The following TMEM39B variants were observed in gnomAD, a reference collection of about 807,000 sequenced individuals.
TMEM39B encodes transmembrane protein 39B.
Under a neutral mutation model 52.2 loss-of-function variants are expected in TMEM39B, and 23 were observed. The observed-to-expected ratio is 0.44, with a 90% CI of 0.32 to 0.62. TMEM39B has a LOEUF of 0.62. Among genes scored for constraint, TMEM39B ranks in the 20% least tolerant of loss-of-function variants. TMEM39B has a pLI of 0.06. For synonymous variants in TMEM39B, 285 were observed against 264.0 expected (o/e 1.08, Z -0.77); for missense variants, 547 against 642.0 (o/e 0.85, Z 1.60).
chr1:32,094,688 A>T, intron 6 of TMEM39B, 96 bp from the exon 7 acceptor site: 1 of 1,373,160 alleles, frequency 7.3e-7, no homozygotes, highest in South Asian at 1.3e-5. Flanking sequence ...TCTCCCCAGG[A>T]CTGTCCTAAC....
chr1:32,092,438 G>T (rs756383535), intron 6 of TMEM39B, among the ~76,000 whole-genome samples: 2 of 151,900 alleles, frequency 1.3e-5, no homozygotes, highest in African/African-American at 2.4e-5. Context: ...GATTACAAGC[G>T]TGAGCCACTA....
rs866344985 is a variant in TMEM39B at position 32,073,986 on chromosome 1, C to G, written c.4+935C>G. On this transcript the variant is annotated intron_variant, in intron 1 of 8. Transcript: ENST00000336294. ...CTGGTCTCCAACTCCTGGTCTCAAG[C>G]GATCCTCCCGCCTCGGCCTCACAAA... is the stretch of plus-strand genomic sequence containing the variant. The G allele has an allele frequency of 2.5e-5, 18 of 726,510 alleles. No homozygotes were observed. In the South Asian group the frequency reaches 9.2e-4, roughly 37 times the overall value. 45.0% of individuals were successfully genotyped at this position (726,510 alleles called of 1,614,324 possible).
chr1:32,098,560 G>T (rs993366920), intron 7 of TMEM39B, among the ~76,000 whole-genome samples: 2 of 151,902 alleles, frequency 1.3e-5, no homozygotes, highest in African/African-American at 4.8e-5. Context: ...GTGAAACCCC[G>T]TCTCTTCTAA....
rs138050718 is a variant in TMEM39B, at chr1:32,085,291, A to ATC, written c.591-6366_591-6365dup. On this transcript the variant is annotated intron_variant, in intron 5 of 8. Transcript: ENST00000336294. ...TTCTCCTATATTTCTCTAATATTTA[A>ATC]TCTCTCTCTCTCTCTCTCTTTGTAT... Among the ~76,000 whole-genome samples the ATC allele has an allele frequency of 1.0e-3, 157 of 150,044 alleles. 1 individual carries two copies. In the South Asian group the frequency reaches 0.017, roughly 16 times the overall value.
Position 32,075,552 on chromosome 1 carries a change from C to CGGA in TMEM39B, c.132-51_132-50insGGA. 2.6e-6 allele frequency: 4 copies of CGGA among 1,518,014 alleles called. No homozygotes were observed. In the South Asian group the frequency reaches 4.8e-5, roughly 18 times the overall value. The allele number at this position is 1,518,014 out of a possible 1,614,324, so 94.0% of individuals were successfully genotyped here. ...CAATCCTTTGCCTCAGAAGCCCTTC[C>CGGA]TGGTAGGATTCTCAGGTCAGCTGCT... On this transcript the variant is annotated intron_variant, in intron 2 of 8. Transcript: ENST00000336294.
At position 32,093,604 on chromosome 1, in the gene TMEM39B, G is replaced by T. The variant is rs138295073; in HGVS notation, c.928-1180G>T. Among the ~76,000 whole-genome samples, 1,236 of 150,466 alleles carry T rather than the reference G, an allele frequency of 8.2e-3. 10 individuals carry two copies. Among genetic ancestry groups the T allele is most frequent in the African/African-American group, 0.026 (1,078 of 40,924 alleles). On this transcript the variant is annotated intron_variant, in intron 6 of 8. Transcript: ENST00000336294. The stretch of plus-strand genomic sequence containing the variant: ...TTTTTGTATTTTTAGTAGAGACGGG[G>T]TTTCGCTATATTGGCCAGGCCAGTC...
chr1:32,075,605 G>A lies in TMEM39B; in HGVS notation c.134G>A (p.Ser45Asn). 6.5e-7 allele frequency: 1 copy of A among 1,549,968 alleles called. No individual in the cohort carries two copies. Among genetic ancestry groups the A allele is most frequent in the Non-Finnish European group, 8.7e-7 (1 of 1,146,178 alleles). ...TGTTGTTCCCTCCCCACTGTCAGGA[G>A]CAGTTCTGGAACAGGCCTCTCCAGC... ...SVTSVRSRTR[S>N]SSGTGLSSPP... Residue 45 changes from serine (S) to asparagine (N), a missense_variant and splice_region_variant, in exon 3 of 9, where the codon AGC (serine) becomes AAC (asparagine). Coordinates refer to ENST00000336294, the MANE Select transcript of TMEM39B (RefSeq NM_018056.4).
At chr1:32,080,011 T>A in intron 5 of TMEM39B, among the ~76,000 whole-genome samples, 1 of 152,006 alleles carries the variant, frequency 6.6e-6, no homozygotes, top group East Asian at 1.9e-4. Context: ...TGCCTTGGCC[T>A]CCCAAAGTGC....
chr1:32,077,115 T>C lies in TMEM39B; in HGVS notation c.436-49T>C, dbSNP rs745382940. 8 of 1,605,248 alleles carry C rather than the reference T, an allele frequency of 5.0e-6. No individual in the cohort carries two copies. In the South Asian group the frequency reaches 8.9e-5, roughly 18 times the overall value. On this transcript the variant is annotated intron_variant, in intron 4 of 8. Coordinates refer to ENST00000336294, the MANE Select transcript of TMEM39B (RefSeq NM_018056.4). ...CTGGGTGGGATTTGGGCACAGCCCCTTCGGCCTCCATCCAAGGCCCCATCC... is the reference window on the plus strand; with the variant it reads ...CTGGGTGGGATTTGGGCACAGCCCCCTCGGCCTCCATCCAAGGCCCCATCC...
rs1449818646 is a variant in TMEM39B, at chr1:32,076,855, G to T, written c.435+9G>T. The T allele has an allele frequency of 6.2e-7, 1 of 1,613,996 alleles. No homozygotes were observed. Among genetic ancestry groups the T allele is most frequent in the Admixed American group, 1.7e-5 (1 of 60,014 alleles). ...GGTCCATCGTGAAGGAGGTGATTGG[G>T]TCCTAGAGGCTGGCCAGGGACTTTG... On this transcript the variant is annotated intron_variant, in intron 4 of 8. Coordinates refer to ENST00000336294, the MANE Select transcript of TMEM39B (RefSeq NM_018056.4).
intron 5 of TMEM39B, among the ~76,000 whole-genome samples, chr1:32,089,816 G>C (rs1004256956): frequency 2.0e-5 from 3 of 151,598 alleles, no homozygotes; most frequent in African/African-American, 4.8e-5. Flanking sequence ...GGCGGGTGGA[G>C]GTCAGGAGTT....
chr1:32,072,993 G>C lies in TMEM39B; in HGVS notation c.-55G>C. ...TCCTCTCCCGGCCGCCGTCGCCTCC[G>C]ACATATTGCCCGCAGGAGCTGCGGC... On this transcript the variant is annotated 5_prime_UTR_variant, in exon 1 of 9. Coordinates refer to ENST00000336294, the MANE Select transcript of TMEM39B (RefSeq NM_018056.4). The C allele has an allele frequency of 1.3e-6, 2 of 1,532,750 alleles. No homozygotes were observed. Among genetic ancestry groups the C allele is most frequent in the Non-Finnish European group, 1.8e-6 (2 of 1,138,384 alleles). The allele number at this position is 1,532,750 out of a possible 1,614,324, so 94.9% of individuals were successfully genotyped here.
At chr1:32,095,227 G>A (rs1640769814) in intron 7 of TMEM39B, among the ~76,000 whole-genome samples, 2 of 152,158 alleles carry the variant, frequency 1.3e-5, no homozygotes, top group African/African-American at 4.8e-5. Context: ...TCTCTTTGCT[G>A]ACTGTTTATT....
At chr1:32,088,160 G>A (rs2509304) in intron 5 of TMEM39B, among the ~76,000 whole-genome samples, 1,867 of 137,648 alleles carry the variant, frequency 0.014, 16 homozygotes, top group Non-Finnish European at 0.021. Flanking sequence ...GCTCATGCCT[G>A]TAATCCCAGC....
intron 5 of TMEM39B, among the ~76,000 whole-genome samples, chr1:32,088,325 G>A (rs978326490): frequency 7.2e-4 from 97 of 135,466 alleles, no homozygotes; most frequent in East Asian, 3.6e-3. Context: ...GCTGAGGCAG[G>A]AGAATGGTGT....
At position 32,094,826 on chromosome 1, in the gene TMEM39B, C is replaced by T. The variant is rs200998933; in HGVS notation, c.970C>T (p.Leu324=). The T allele has an allele frequency of 1.2e-5, 19 of 1,614,114 alleles. 1 individual carries two copies. The East Asian group carries it at 4.0e-4, about 34-fold the overall frequency. Residue 324 remains leucine, a synonymous_variant, in exon 7 of 9, where the codon CTG becomes TTG. Coordinates refer to ENST00000336294, the MANE Select transcript of TMEM39B (RefSeq NM_018056.4). ...CAAGCGCTGGTCCTGTGAACTCTTCCTGCTGGTGTCCATCAGCACCTCCGT... is the reference window on the plus strand; with the variant it reads ...CAAGCGCTGGTCCTGTGAACTCTTCTTGCTGGTGTCCATCAGCACCTCCGT... The part of the protein sequence containing the change: ...YDKRWSCELF[L]LVSISTSVIL...
intron 4 of TMEM39B, 47 bp from the exon 5 acceptor site, chr1:32,077,117 C>T (rs758056991): frequency 7.5e-5 from 121 of 1,604,872 alleles, no homozygotes; most frequent in Non-Finnish European, 9.7e-5. Context: ...ACAGCCCCTT[C>T]GGCCTCCATC....
chr1:32,102,574 C>T lies in TMEM39B; in HGVS notation c.1380C>T (p.Tyr460=), dbSNP rs1364142121. The T allele has an allele frequency of 1.2e-6, 2 of 1,614,154 alleles. No individual in the cohort carries two copies. The highest frequency in any genetic ancestry group is 1.1e-5 in the South Asian group (1 of 91,082). Reference sequence around the variant, plus strand: ...TGGCCCTCATCCTCTTCAGCAACTACTATGCCTTCTTCAAGCTGCTCCGGG... The same window carrying T: ...TGGCCCTCATCCTCTTCAGCAACTATTATGCCTTCTTCAAGCTGCTCCGGG... ...ISLALILFSN[Y]YAFFKLLRDR... The change falls in exon 9 of 9, where the codon TAC becomes TAT. Residue 460 remains tyrosine, a synonymous_variant. Transcript: ENST00000336294.
chr1:32,072,662 C>CT (rs1468290849), upstream of TMEM39B, among the ~76,000 whole-genome samples: 1 of 152,226 alleles, frequency 6.6e-6, no homozygotes, highest in African/African-American at 2.4e-5. Flanking sequence ...TGGTCCACCC[C>CT]TAGGGGAGCG....
Sources: gnomAD v4.1 joint callset for allele counts (sites outside exome capture counted in the v4.1 genomes callset) on GRCh38, gnomAD v4.1.1 for gene constraint, MANE v1.5 for transcripts, NCBI Gene and HGNC (gene_info 2026-07-23, HGNC 2026-07-21) for gene names.